SPATA13: variants seen among roughly 807,000 people sequenced by gnomAD.
SPATA13 encodes spermatogenesis-associated protein 13.
SPATA13 carries 50 observed loss-of-function variants against 104.0 expected under a neutral mutation model. The observed-to-expected ratio is 0.48, with a 90% CI of 0.38 to 0.61. The LOEUF (loss-of-function observed/expected upper bound fraction) is 0.61, where lower values mean the gene tolerates loss of function less well. SPATA13 is among the 20% of genes least tolerant of loss of function. The pLI is 0.00. For missense variants in SPATA13, 1,524 were observed against 1,690.6 expected, an observed-to-expected ratio of 0.90 and a Z score of 1.73; for synonymous variants, 606 against 667.5, an observed-to-expected ratio of 0.91 and a Z score of 1.42.
rs989840952 is a variant in SPATA13 at position 24,278,553 on chromosome 13, C to T, written c.2165-5582C>T. 6 of 1,211,508 alleles carry T rather than the reference C, an allele frequency of 5.0e-6. No homozygotes were observed. In the South Asian group the frequency reaches 1.1e-4, roughly 22 times the overall value. The allele number at this position is 1,211,508 out of a possible 1,614,324, so 75.0% of individuals were successfully genotyped here. On this transcript the variant is annotated intron_variant, in intron 4 of 12. Coordinates refer to ENST00000382108, the MANE Select transcript of SPATA13 (RefSeq NM_001166271.3). The stretch of plus-strand genomic sequence containing the variant: ...TCAGTCTTCCAAAGTGCTGGGATTA[C>T]AAGCATGAGCTACCACGCCCAGCCA...
chr13:24,175,141 G>C (rs762596969), intron 1 of SPATA13, among the ~76,000 whole-genome samples: 21 of 152,200 alleles, frequency 1.4e-4, no homozygotes, highest in Admixed American at 9.2e-4. Context: ...CTAGGGCGGA[G>C]TTCTGTAGCT....
intron 1 of SPATA13, among the ~76,000 whole-genome samples, chr13:24,215,069 G>A (rs890158093): frequency 4.6e-5 from 7 of 152,180 alleles, no homozygotes; most frequent in African/African-American, 1.4e-4. Context: ...CTGAGGACGC[G>A]CTGGCAATGA....
In SPATA13 at chr13:24,249,840, C is replaced by A; in HGVS notation, c.2017C>A (p.Gln673Lys). Residue 673 changes from glutamine to lysine, a missense_variant and splice_region_variant, in exon 3 of 13, where the codon CAA (glutamine) becomes AAA (lysine). Physicochemically the swap from Gln to Lys is moderately conservative, Grantham distance 53 (BLOSUM62 1). Transcript: ENST00000382108. The part of the protein sequence containing the change: ...QTEELDNLLT[Q>K]PASRPPMPAH... ...GGAGGAACTGGACAATCTTCTGACC[C>A]AAGTAAGATCTGGTGTGCACTTCCC... 6.3e-7 allele frequency: 1 copy of A among 1,595,132 alleles called. No homozygotes were observed. Among genetic ancestry groups the A allele is most frequent in the Non-Finnish European group, 8.5e-7 (1 of 1,170,024 alleles).
chr13:24,285,721 C>G (rs1224540541), intron 5 of SPATA13, among the ~76,000 whole-genome samples: 1 of 139,930 alleles, frequency 7.1e-6, no homozygotes, highest in Non-Finnish European at 1.5e-5. Flanking sequence ...TGCTCTTGTT[C>G]CCAGACTGGA....
At chr13:24,123,226 T>G in intron 3 of SPATA13, 1 of 1,592,040 alleles carries the variant, frequency 6.3e-7, no homozygotes, top group Non-Finnish European at 8.6e-7. Context: ...TGATTGCTGA[T>G]CAATACTTGA....
chr13:24,149,875 G>A (rs2138469204), intron 3 of SPATA13, among the ~76,000 whole-genome samples: 1 of 152,314 alleles, frequency 6.6e-6, no homozygotes, highest in South Asian at 2.1e-4. Flanking sequence ...GTTTCAGAAA[G>A]AGCTCTTGGG....
chr13:24,065,210 C>G (rs781366504), intron 3 of SPATA13, among the ~76,000 whole-genome samples: 1 of 152,058 alleles, frequency 6.6e-6, no homozygotes, highest in Non-Finnish European at 1.5e-5. Flanking sequence ...AGGAAAGAAA[C>G]TTTTCAGGTG....
chr13:24,108,698 A>G (rs951579242), intron 3 of SPATA13, among the ~76,000 whole-genome samples: 12 of 152,176 alleles, frequency 7.9e-5, no homozygotes, highest in Admixed American at 7.2e-4. Context: ...CCTAGGCTGC[A>G]TCCAGTGAGC....
rs1480618293 is a variant in SPATA13 at position 24,175,993 on chromosome 13, G to A, written c.-112+15061G>A. Among the ~76,000 whole-genome samples the A allele has an allele frequency of 3.3e-5, 5 of 152,214 alleles. No individual in the cohort carries two copies. In the East Asian group the frequency reaches 9.6e-4, roughly 29 times the overall value. On this transcript the variant is annotated intron_variant, in intron 1 of 12. Transcript: ENST00000382108. Reference sequence around the variant, plus strand: ...GCATGTTTTATGACATGCTAACAGAGTCACCTTCAACTCAAAACACAGCAT... The same window carrying A: ...GCATGTTTTATGACATGCTAACAGAATCACCTTCAACTCAAAACACAGCAT...
At chr13:24,263,690 A>G (rs1484924267) in intron 4 of SPATA13, among the ~76,000 whole-genome samples, 2 of 152,362 alleles carry the variant, frequency 1.3e-5, no homozygotes, top group South Asian at 2.1e-4. Flanking sequence ...AAAAGTCTGT[A>G]CATATTCAGT....
chr13:24,123,828 G>A (rs1273224644), intron 3 of SPATA13: 4 of 819,878 alleles, frequency 4.9e-6, no homozygotes, highest in Non-Finnish European at 8.4e-6. Flanking sequence ...AATTACAAAG[G>A]CAGTGAAGGC....
At chr13:24,000,707 G>C (rs1003374056) in intron 2 of SPATA13, among the ~76,000 whole-genome samples, 1 of 152,086 alleles carries the variant, frequency 6.6e-6, no homozygotes, top group Non-Finnish European at 1.5e-5. Flanking sequence ...AAAGCCTTGG[G>C]TTAGAGGTGT....
Position 24,011,752 on chromosome 13 carries a change from T to C in SPATA13, c.-146-5915T>C, listed in dbSNP as rs1313999152. Among the ~76,000 whole-genome samples, 1 of 152,052 alleles carries C rather than the reference T, an allele frequency of 6.6e-6. No homozygotes were observed. Among genetic ancestry groups the C allele is most frequent in the African/African-American group, 2.4e-5 (1 of 41,370 alleles). ...CCTGGCAGGGGGCATGCAGAGAACA[T>C]AGTCTTCAGCTCTGGCCAAGCAGCC... On this transcript the variant is annotated intron_variant, in intron 2 of 14. Transcript: ENST00000424834. The surrounding 1 kb of genome is among the most constrained non-coding windows in gnomAD (Gnocchi z 4.3).
chr13:24,284,574 G>A (rs965537093), intron 5 of SPATA13, among the ~76,000 whole-genome samples: 7 of 152,186 alleles, frequency 4.6e-5, no homozygotes, highest in African/African-American at 1.7e-4. Flanking sequence ...GAGGCAGGGA[G>A]AATTGCTTGA....
intron 3 of SPATA13, among the ~76,000 whole-genome samples, chr13:24,135,021 T>C (rs1472354474): frequency 6.6e-6 from 1 of 152,136 alleles, no homozygotes; most frequent in Non-Finnish European, 1.5e-5. Flanking sequence ...AGGGACGAGA[T>C]GGCCATCTAC....
intron 8 of SPATA13, 116 bp downstream of exon 8, chr13:24,289,294 C>A: frequency 1.2e-6 from 1 of 817,188 alleles, no homozygotes; most frequent in Non-Finnish European, 1.9e-6. Flanking sequence ...ATGAATCTTC[C>A]ATAGAAAGGA....
intron 3 of SPATA13, among the ~76,000 whole-genome samples, chr13:24,082,114 C>A (rs1879540185): frequency 6.6e-6 from 1 of 152,232 alleles, no homozygotes; most frequent in South Asian, 2.1e-4. Flanking sequence ...CCACTTACTG[C>A]AATCTACTGT....
intron 3 of SPATA13, among the ~76,000 whole-genome samples, chr13:24,050,715 G>T (rs1365947066): frequency 6.6e-6 from 1 of 152,136 alleles, no homozygotes; most frequent in African/African-American, 2.4e-5. Context: ...CCTTTGTCTT[G>T]CTCCAAGTGC....
rs1877588195 is a variant in SPATA13, at chr13:24,306,565, G to A, written c.*3792G>A. 2 of 151,898 alleles carry A rather than the reference G, an allele frequency of 1.3e-5. No homozygotes were observed. Among genetic ancestry groups the A allele is most frequent in the Non-Finnish European group, 2.9e-5 (2 of 67,984 alleles). 9.4% of individuals were successfully genotyped at this position (151,898 alleles called of 1,614,324 possible). ...CAAATTGTTCTATTAAAGTCTCATT[G>A]TTTTCAGGATGCAATGAAAGTGGAT... is the stretch of plus-strand genomic sequence containing the variant. On this transcript the variant is annotated 3_prime_UTR_variant, in exon 13 of 13. Coordinates refer to ENST00000382108, the MANE Select transcript of SPATA13 (RefSeq NM_001166271.3).
Sources: gnomAD v4.1 joint callset for allele counts (sites outside exome capture counted in the v4.1 genomes callset) on GRCh38, gnomAD v4.1.1 for gene constraint, Gnocchi (gnomAD v3.1) non-coding constraint, MANE v1.5 for transcripts, NCBI Gene and HGNC (gene_info 2026-07-23, HGNC 2026-07-21) for gene names.